The following ADGRL3 variants were observed in gnomAD, a reference collection of about 807,000 sequenced individuals.
The protein encoded by ADGRL3 is adhesion G protein-coupled receptor L3.
In ADGRL3, 62 loss-of-function variants were observed where a neutral mutation model predicts 153.5. The observed-to-expected ratio is 0.40, with a 90% CI of 0.33 to 0.50. ADGRL3 has a LOEUF of 0.50. Ranked by LOEUF, ADGRL3 falls within the 20% of genes least tolerant of loss-of-function variation. The pLI is 0.47. For missense variants in ADGRL3, 1,641 were observed against 1,859.4 expected (o/e 0.88, Z 2.16); for synonymous variants, 710 against 672.5 (o/e 1.06, Z -0.86).
chr4:61,370,192 A>C, intron 1 of ADGRL3, among the ~76,000 whole-genome samples: 1 of 151,808 alleles, frequency 6.6e-6, no homozygotes, highest in Non-Finnish European at 1.5e-5. Flanking sequence ...TCCTGGATTC[A>C]TTAATTTTTT....
intron 2 of ADGRL3, among the ~76,000 whole-genome samples, chr4:61,468,538 C>A (rs1331842446): frequency 6.6e-6 from 1 of 152,100 alleles, no homozygotes. Flanking sequence ...TTTATCAAAG[C>A]CTTAACCTCA....
intron 6 of ADGRL3, among the ~76,000 whole-genome samples, chr4:61,719,209 G>A (rs2096187126): frequency 6.6e-6 from 1 of 151,808 alleles, no homozygotes; most frequent in African/African-American, 2.4e-5. Flanking sequence ...AAATTCGTAA[G>A]GAAAACAAAT....
chr4:61,714,369 C>T (rs944143010), intron 6 of ADGRL3, among the ~76,000 whole-genome samples: 2 of 151,416 alleles, frequency 1.3e-5, no homozygotes, highest in African/African-American at 4.8e-5. Context: ...AGTACACACA[C>T]ACACAAACAC....
At chr4:61,221,246 C>T (rs898834314) in intron 1 of ADGRL3, among the ~76,000 whole-genome samples, 7 of 152,116 alleles carry the variant, frequency 4.6e-5, no homozygotes, top group Non-Finnish European at 1.0e-4. Flanking sequence ...GAAAAACATA[C>T]AATTGACATG....
At chr4:61,353,277 ATG>A (rs1372929625) in intron 1 of ADGRL3, among the ~76,000 whole-genome samples, 2 of 152,164 alleles carry the variant, frequency 1.3e-5, no homozygotes, top group East Asian at 1.9e-4. Context: ...TAGTTATATA[ATG>A]TGTTTTATCA....
At chr4:61,828,113 A>C (rs1376006440) in intron 9 of ADGRL3, among the ~76,000 whole-genome samples, 2 of 152,204 alleles carry the variant, frequency 1.3e-5, no homozygotes, top group Non-Finnish European at 2.9e-5. Context: ...TAATAAGTGA[A>C]TAAATGAAGC....
intron 4 of ADGRL3, among the ~76,000 whole-genome samples, chr4:61,532,438 A>T (rs1159190900): frequency 6.6e-6 from 1 of 152,016 alleles, no homozygotes; most frequent in East Asian, 1.9e-4. Flanking sequence ...CTTTTCAGAA[A>T]TAGTTTCTCT....
chr4:61,817,787 C>T (rs1209142452), intron 9 of ADGRL3, among the ~76,000 whole-genome samples: 2 of 151,912 alleles, frequency 1.3e-5, no homozygotes, highest in Non-Finnish European at 2.9e-5. Context: ...AATGCAAGAG[C>T]CAAGCAAAAA....
intron 1 of ADGRL3, among the ~76,000 whole-genome samples, chr4:61,380,401 C>T (rs2096653365): frequency 6.6e-6 from 1 of 151,884 alleles, no homozygotes; most frequent in African/African-American, 2.4e-5. Flanking sequence ...TTAAACTTTC[C>T]ATTTTAGGAT....
chr4:61,845,891 A>G (rs1224219537), intron 9 of ADGRL3, among the ~76,000 whole-genome samples: 1 of 152,186 alleles, frequency 6.6e-6, no homozygotes, highest in African/African-American at 2.4e-5. Flanking sequence ...CCTACTAGCA[A>G]TTGCTTACTA....
rs577251533 is a variant in ADGRL3, at chr4:61,878,464, G to A, written c.1481-14192G>A. 3.3e-5 allele frequency among the ~76,000 whole-genome samples: 5 copies of A among 152,242 alleles called. No individual in the cohort carries two copies. The South Asian group carries it at 1.0e-3, about 32-fold the overall frequency. On this transcript the variant is annotated intron_variant, in intron 9 of 26. Transcript: ENST00000683033. The stretch of plus-strand genomic sequence containing the variant: ...AAGTCATTGTCATTGAGGGAAGCTG[G>A]ACTATCTTTGCAACTTCCTGTAAGT...
At chr4:61,833,759 A>G (rs1004343585) in intron 9 of ADGRL3, among the ~76,000 whole-genome samples, 10 of 152,180 alleles carry the variant, frequency 6.6e-5, no homozygotes, top group African/African-American at 2.4e-4. Flanking sequence ...AAGGCAAACT[A>G]GTCCCCAGGC....
chr4:61,263,559 C>G (rs2092677511), intron 1 of ADGRL3, among the ~76,000 whole-genome samples: 1 of 151,652 alleles, frequency 6.6e-6, no homozygotes, highest in Non-Finnish European at 1.5e-5. Flanking sequence ...CTTCTAAATC[C>G]TACTCATTTC....
chr4:61,736,407 A>C (rs1311383239), intron 8 of ADGRL3, among the ~76,000 whole-genome samples: 1 of 152,170 alleles, frequency 6.6e-6, no homozygotes, highest in Non-Finnish European at 1.5e-5. Context: ...TAATCCCAGC[A>C]CTTTGGGAGG....
chr4:62,066,292 A>C (rs1204821473), intron 25 of ADGRL3, among the ~76,000 whole-genome samples: 1 of 152,034 alleles, frequency 6.6e-6, no homozygotes, highest in East Asian at 1.9e-4. Flanking sequence ...TTGAATTACC[A>C]CTTGGTTCTC....
At chr4:61,865,463 A>T (rs1415273063) in intron 9 of ADGRL3, among the ~76,000 whole-genome samples, 1 of 152,154 alleles carries the variant, frequency 6.6e-6, no homozygotes, top group Non-Finnish European at 1.5e-5. Context: ...AATAAGGAGG[A>T]TTTCAAGACC....
At position 61,983,337 on chromosome 4, in the gene ADGRL3, T is replaced by A. The variant is rs544701143; in HGVS notation, c.3016-46T>A. The A allele has an allele frequency of 2.7e-6, 4 of 1,471,166 alleles. No individual in the cohort carries two copies. In the African/African-American group the frequency reaches 4.2e-5, roughly 15 times the overall value. 91.1% of individuals were successfully genotyped at this position (1,471,166 alleles called of 1,614,324 possible). ...TTGGTTTTATGGCAGTTGACTAGTA[T>A]CCCATGTGGTAGAGATTTGACTAAA... is the stretch of plus-strand genomic sequence containing the variant. On this transcript the variant is annotated intron_variant, in intron 18 of 26. Coordinates refer to ENST00000683033, the MANE Select transcript of ADGRL3 (RefSeq NM_001387552.1).
At chr4:61,335,198 C>G (rs6551624) in intron 1 of ADGRL3, among the ~76,000 whole-genome samples, 76,342 of 151,874 alleles carry the variant, frequency 0.5, 20,717 homozygotes, top group East Asian at 0.71. Flanking sequence ...CAAGCCTCAT[C>G]TTTAAGAAGA....
chr4:61,236,341 G>A (rs1318962952), intron 1 of ADGRL3, among the ~76,000 whole-genome samples: 2 of 152,032 alleles, frequency 1.3e-5, no homozygotes, highest in Non-Finnish European at 2.9e-5. Context: ...ATGAGAGAGT[G>A]AATCCTTCTC....
Sources: gnomAD v4.1 joint callset for allele counts (sites outside exome capture counted in the v4.1 genomes callset) on GRCh38, gnomAD v4.1.1 for gene constraint, MANE v1.5 for transcripts, NCBI Gene and HGNC (gene_info 2026-07-23, HGNC 2026-07-21) for gene names.